TUT4: variants seen among roughly 807,000 people sequenced by gnomAD.
TUT4 encodes terminal uridylyltransferase 4.
In TUT4, 36 loss-of-function variants were observed where a neutral mutation model predicts 192.2. That is an observed-to-expected ratio of 0.19 (90% CI 0.14 to 0.25). The LOEUF is 0.25. Among genes scored for constraint, TUT4 ranks in the 10% least tolerant of loss-of-function variants. The probability of loss-of-function intolerance (pLI) is 1.00; values close to 1 mark genes in which losing one functional copy is unlikely to be tolerated. For missense variants in TUT4, 1,493 were observed against 1,957.2 expected (o/e 0.76, Z 4.47); for synonymous variants, 618 against 666.0 (o/e 0.93, Z 1.11).
rs772350885 is a variant in TUT4 at position 52,542,757 on chromosome 1, A to AC, written c.-94+10173_-94+10174insG. ...CTGTTTTCACCATTTCTTTTTATTT[A>AC]TTTATTTATTTATTTTTTTTTGAGG... On this transcript the variant is annotated intron_variant, in intron 1 of 29. Coordinates refer to ENST00000257177, the MANE Select transcript of TUT4 (RefSeq NM_001009881.3). Among the ~76,000 whole-genome samples the AC allele has an allele frequency of 8.3e-3, 1,230 of 147,606 alleles. 8 individuals are homozygous for AC. Among genetic ancestry groups the AC allele is most frequent in the South Asian group, 0.023 (105 of 4,592 alleles).
chr1:52,459,285 CAA>C (rs1056173336), intron 19 of TUT4, among the ~76,000 whole-genome samples: 5 of 130,656 alleles, frequency 3.8e-5, no homozygotes, highest in Non-Finnish European at 3.3e-5. Context: ...GACTCCGTCT[CAA>C]AAAAAAAAAA....
rs540111105 is a variant in TUT4 at position 52,435,850 on chromosome 1, C to T, written c.4163-385G>A. On this transcript the variant is annotated intron_variant, in intron 26 of 29. Coordinates refer to ENST00000257177, the MANE Select transcript of TUT4 (RefSeq NM_001009881.3). ...ACTTGAGTCCAGAAGGTCAAAGCTG[C>T]ACTGAGCTGTGATCATACCACGCAC... is the stretch of plus-strand genomic sequence containing the variant. 3.3e-4 allele frequency among the ~76,000 whole-genome samples: 50 copies of T among 152,156 alleles called. No homozygotes were observed. The South Asian group carries it at 9.5e-3, about 29-fold the overall frequency.
In TUT4 at chr1:52,430,998, A is replaced by AAAAAG; in HGVS notation, c.4711+14_4711+15insCTTTT. On this transcript the variant is annotated intron_variant, in intron 28 of 29. Coordinates refer to ENST00000257177, the MANE Select transcript of TUT4 (RefSeq NM_001009881.3). ...AAAAGACATGCAGATAAAAAAGAAG[A>AAAAAG]AAAGGAAAGGTTACCTGAATTCCCC... 1 of 1,539,236 alleles carries AAAAAG rather than the reference A, an allele frequency of 6.5e-7. No homozygotes were observed. The highest frequency in any genetic ancestry group is 8.8e-7 in the Non-Finnish European group (1 of 1,142,574).
intron 1 of TUT4, among the ~76,000 whole-genome samples, chr1:52,547,147 A>C (rs1688281202): frequency 6.7e-6 from 1 of 149,260 alleles, no homozygotes; most frequent in Non-Finnish European, 1.5e-5. Context: ...TGATAGAGCA[A>C]GACTGTCTCA....
At position 52,440,122 on chromosome 1, in the gene TUT4, C is replaced by T. The variant is rs141615462; in HGVS notation, c.3823-1787G>A. The stretch of plus-strand genomic sequence containing the variant: ...AGTGGTTTGAGAAGAGGGGAAGAGA[C>T]GGAATGAGAACTGACTGCTAATGAG... On this transcript the variant is annotated intron_variant, in intron 24 of 29. Coordinates refer to ENST00000257177, the MANE Select transcript of TUT4 (RefSeq NM_001009881.3). Among the ~76,000 whole-genome samples, 36 of 152,148 alleles carry T rather than the reference C, an allele frequency of 2.4e-4. No homozygotes were observed. In the East Asian group the frequency reaches 3.7e-3, roughly 15 times the overall value.
intron 24 of TUT4, among the ~76,000 whole-genome samples, chr1:52,438,868 G>A (rs1427866756): frequency 3.3e-5 from 5 of 152,068 alleles, no homozygotes; most frequent in Admixed American, 6.5e-5. Flanking sequence ...TCAGGAGTTC[G>A]AGACCAGCCT....
intron 24 of TUT4, among the ~76,000 whole-genome samples, chr1:52,440,433 G>GTTTTTTTTTTTTTTTTTTTTTTT (rs908687717): frequency 9.1e-6 from 1 of 110,186 alleles, no homozygotes; most frequent in African/African-American, 3.2e-5. Flanking sequence ...CCCATCCTGT[G>GTTTTTTTTTTTTTTTTTTTTTTT]TTTTTTTTTT....
chr1:52,483,386 A>T (rs1006413125), intron 9 of TUT4, among the ~76,000 whole-genome samples: 3 of 151,816 alleles, frequency 2.0e-5, no homozygotes, highest in Admixed American at 1.3e-4. Context: ...TTTTCTTTTG[A>T]TATTATTTAT....
chr1:52,549,722 C>G (rs1408630373), intron 1 of TUT4, among the ~76,000 whole-genome samples: 1 of 152,046 alleles, frequency 6.6e-6, no homozygotes, highest in Non-Finnish European at 1.5e-5. Context: ...TGATCTTCAG[C>G]AAATCACTAA....
At chr1:52,455,100 A>G (rs1027549644) in intron 20 of TUT4, among the ~76,000 whole-genome samples, 1 of 152,124 alleles carries the variant, frequency 6.6e-6, no homozygotes, top group Non-Finnish European at 1.5e-5. Flanking sequence ...CCTGGGCAAC[A>G]TGGAGAAACC....
chr1:52,475,850 T>G (rs1187763213), intron 12 of TUT4, among the ~76,000 whole-genome samples: 1 of 152,064 alleles, frequency 6.6e-6, no homozygotes, highest in African/African-American at 2.4e-5. Flanking sequence ...AAAGGAGTTT[T>G]TTTTTTTCTT....
chr1:52,527,272 G>A (rs886327566), intron 1 of TUT4, among the ~76,000 whole-genome samples: 1 of 152,172 alleles, frequency 6.6e-6, no homozygotes, highest in Non-Finnish European at 1.5e-5. Flanking sequence ...CAGGGGCCGG[G>A]TGCAATGGCT....
chr1:52,503,394 G>A (rs1194514586), intron 4 of TUT4, among the ~76,000 whole-genome samples: 2 of 151,974 alleles, frequency 1.3e-5, no homozygotes, highest in East Asian at 3.8e-4. Flanking sequence ...AAAAAAAACT[G>A]TGTGCCAGTC....
rs528851496 is a variant in TUT4 at position 52,475,407 on chromosome 1, A to T, written c.2152T>A (p.Ser718Thr). 7.4e-6 allele frequency: 12 copies of T among 1,614,014 alleles called. No homozygotes were observed. In the East Asian group the frequency reaches 2.5e-4, roughly 33 times the overall value. Residue 718 changes from serine (S) to threonine (T), a missense_variant, in exon 13 of 30, where the codon TCT (serine) becomes ACT (threonine). Ser to Thr is a moderately conservative substitution (Grantham distance 58). This residue lies in a region of TUT4 where 245 missense variants were observed against 218.4 expected (regional missense o/e 1.12). Transcript: ENST00000257177. ...ACPQTKGGNK[S>T]TVDFKKREKG... ...TCTCTTTTCTTGAAATCCACTGTAGACTTATTTCCACCCTTCGTCTGAGGA... is the reference window on the plus strand; with the variant it reads ...TCTCTTTTCTTGAAATCCACTGTAGTCTTATTTCCACCCTTCGTCTGAGGA...
chr1:52,437,648 T>C (rs1013359093), intron 25 of TUT4: 8 of 152,342 alleles, frequency 5.3e-5, no homozygotes, highest in African/African-American at 1.9e-4. Context: ...AATAAACAGT[T>C]CTTCATTTAA....
At chr1:52,472,239 A>C (rs199506246) in intron 13 of TUT4, 137 bp from the exon 14 acceptor site, 73 of 889,120 alleles carry the variant, frequency 8.2e-5, no homozygotes, top group Non-Finnish European at 9.7e-5. Flanking sequence ...AAAAAAAAAA[A>C]CATGTTGTTA....
At chr1:52,448,588 C>CAAAAA (rs1190767355) in intron 20 of TUT4, among the ~76,000 whole-genome samples, 8 of 40,800 alleles carry the variant, frequency 2.0e-4, no homozygotes, top group South Asian at 1.0e-3. Flanking sequence ...GATTCTGTCT[C>CAAAAA]AAAAAAAAAA....
chr1:52,431,483 T>A, intron 27 of TUT4, 23 bp from the exon 28 acceptor site: 1 of 1,433,534 alleles, frequency 7.0e-7, no homozygotes, highest in Middle Eastern at 2.2e-4. Flanking sequence ...AAAAAATTTT[T>A]TTTAATTAAT....
At chr1:52,464,465 A>G (rs940904230) in intron 16 of TUT4, among the ~76,000 whole-genome samples, 3 of 152,148 alleles carry the variant, frequency 2.0e-5, no homozygotes, top group African/African-American at 7.2e-5. Flanking sequence ...CATGTTGGCC[A>G]GGAGTGTCTT....
Sources: allele counts gnomAD v4.1 joint callset (sites outside exome capture counted in the v4.1 genomes callset), GRCh38; gene constraint gnomAD v4.1.1; regional missense constraint gnomAD v4.1.1; transcripts MANE v1.5; gene names NCBI Gene and HGNC (gene_info 2026-07-23, HGNC 2026-07-21).